Variants in RMDN2 observed in about 807,000 individuals in gnomAD.
The protein encoded by RMDN2 is regulator of microtubule dynamics protein 2.
RMDN2 carries 61 observed loss-of-function variants against 52.8 expected under a neutral mutation model. The observed-to-expected ratio is 1.16, with a 90% CI of 0.94 to 1.43. RMDN2 has a LOEUF of 1.43. Among genes scored for constraint, RMDN2 ranks in the 40% most tolerant of loss-of-function variants. The probability of loss-of-function intolerance (pLI) is 0.00; values close to 1 mark genes in which losing one functional copy is unlikely to be tolerated. For missense variants in RMDN2, 592 were observed against 475.3 expected, an observed-to-expected ratio of 1.25 and a Z score of -2.28; for synonymous variants, 180 against 153.1, an observed-to-expected ratio of 1.18 and a Z score of -1.30.
chr2:37,997,624 C>A, intron 8 of RMDN2, 110 bp downstream of exon 8: 2 of 749,090 alleles, frequency 2.7e-6, no homozygotes, highest in South Asian at 1.6e-5. Context: ...CAGTTTGAAT[C>A]CTGGTTTTGG....
intron 10 of RMDN2, among the ~76,000 whole-genome samples, chr2:38,010,251 C>T (rs1288750388): frequency 6.6e-6 from 1 of 152,200 alleles, no homozygotes; most frequent in African/African-American, 2.4e-5. Context: ...CAGACAGGGA[C>T]ATTTAAGTCT....
chr2:38,025,590 A>G (rs572897319), intron 10 of RMDN2, among the ~76,000 whole-genome samples: 3 of 152,140 alleles, frequency 2.0e-5, no homozygotes, highest in African/African-American at 4.8e-5. Flanking sequence ...CATTGATCAC[A>G]ATGTTACCTG....
intron 10 of RMDN2, among the ~76,000 whole-genome samples, chr2:38,042,426 A>ACACACACACACAC (rs1681020796): frequency 9.7e-5 from 14 of 144,276 alleles, no homozygotes; most frequent in African/African-American, 3.2e-4. Context: ...CACACACACC[A>ACACACACACACAC]CACACACACA....
At chr2:38,055,822 G>A (rs1268922084) in intron 10 of RMDN2, among the ~76,000 whole-genome samples, 1 of 152,110 alleles carries the variant, frequency 6.6e-6, no homozygotes, top group Admixed American at 6.5e-5. Context: ...ACCAATTACT[G>A]CAAGGGGAAT....
intron 2 of RMDN2, among the ~76,000 whole-genome samples, chr2:37,955,552 ATGT>A (rs1045674148): frequency 6.6e-6 from 1 of 152,036 alleles, no homozygotes; most frequent in Non-Finnish European, 1.5e-5. Context: ...GAATTCCCAC[ATGT>A]TGTGGGAGGG....
rs990852661 is a variant in RMDN2 at position 37,929,368 on chromosome 2, C to T, written c.91C>T (p.Arg31Cys). ...SLLLLWYHKV[R>C]KPGIAMKLPE... ...GCTGCTCTTGTGGTACCACAAGGTC[C>T]GTAAACCAGGGATAGCAATGAAGTT... is the stretch of plus-strand genomic sequence containing the variant. Residue 31 changes from arginine to cysteine, a missense_variant, in exon 2 of 11, where the codon CGT becomes TGT. Physicochemically the swap from Arg to Cys is radical, Grantham distance 180 (BLOSUM62 -3). Coordinates refer to ENST00000354545, the MANE Select transcript of RMDN2 (RefSeq NM_001170791.3). 16 of 1,550,926 alleles carry T rather than the reference C, an allele frequency of 1.0e-5. No homozygotes were observed. The highest frequency in any genetic ancestry group is 1.2e-5 in the Non-Finnish European group (14 of 1,146,234).
intron 7 of RMDN2, 107 bp from the exon 8 acceptor site, chr2:37,997,309 C>G (rs957181611): frequency 2.9e-6 from 2 of 689,914 alleles, no homozygotes; most frequent in African/African-American, 3.7e-5. Context: ...TATATCTATA[C>G]ACACACACAC....
At chr2:37,936,688 C>G (rs1255787288) in intron 2 of RMDN2, among the ~76,000 whole-genome samples, 2 of 152,152 alleles carry the variant, frequency 1.3e-5, no homozygotes, top group African/African-American at 4.8e-5. Flanking sequence ...ACATAAATGT[C>G]TTCTTTTGAA....
At chr2:38,006,102 G>T (rs1225763332) in intron 10 of RMDN2, among the ~76,000 whole-genome samples, 1 of 152,208 alleles carries the variant, frequency 6.6e-6, no homozygotes, top group African/African-American at 2.4e-5. Flanking sequence ...TTTGGTGACT[G>T]TAGCCTTGTA....
At chr2:37,980,500 C>T (rs778971218) in intron 4 of RMDN2, among the ~76,000 whole-genome samples, 12 of 152,060 alleles carry the variant, frequency 7.9e-5, no homozygotes, top group Non-Finnish European at 1.5e-4. Context: ...GACAGGGTTT[C>T]GCCATGTTGG....
At chr2:37,931,742 C>T (rs1044602721) in intron 2 of RMDN2, among the ~76,000 whole-genome samples, 1 of 152,150 alleles carries the variant, frequency 6.6e-6, no homozygotes, top group African/African-American at 2.4e-5. Flanking sequence ...TATGTGGGTT[C>T]AAGAAGGATT....
At chr2:37,970,583 C>T (rs573194156) in intron 2 of RMDN2, among the ~76,000 whole-genome samples, 1 of 152,008 alleles carries the variant, frequency 6.6e-6, no homozygotes, top group South Asian at 2.1e-4. Flanking sequence ...TTTAGTAATT[C>T]TTTAGAAGAA....
At chr2:37,940,052 C>T (rs952515967) in intron 2 of RMDN2, among the ~76,000 whole-genome samples, 17 of 152,280 alleles carry the variant, frequency 1.1e-4, no homozygotes, top group Admixed American at 9.2e-4. Flanking sequence ...GTGCTTCCTT[C>T]AGGAGCTCTT....
intron 2 of RMDN2, chr2:37,951,439 G>C (rs532901254): frequency 6.2e-7 from 1 of 1,612,744 alleles, no homozygotes; most frequent in Non-Finnish European, 8.5e-7. Flanking sequence ...TTCTCTGAAA[G>C]AAGATATTCT....
chr2:38,061,566 CT>C (rs1682051582), intron 10 of RMDN2, among the ~76,000 whole-genome samples: 1 of 151,790 alleles, frequency 6.6e-6, no homozygotes, highest in African/African-American at 2.4e-5. Context: ...ATGCCCACCC[CT>C]TGGTGTTGCC....
At chr2:37,973,795 G>A (rs1012333132) in intron 2 of RMDN2, among the ~76,000 whole-genome samples, 2 of 152,106 alleles carry the variant, frequency 1.3e-5, no homozygotes, top group African/African-American at 4.8e-5. Flanking sequence ...GCAGCTAGGT[G>A]ACCTGTGTGT....
At chr2:37,945,534 A>G (rs1002596790) in intron 2 of RMDN2, among the ~76,000 whole-genome samples, 1 of 152,226 alleles carries the variant, frequency 6.6e-6, no homozygotes, top group Admixed American at 6.5e-5. Flanking sequence ...CAAGAGTAAT[A>G]CTTAGATTTC....
chr2:38,006,881 C>T (rs1677172825), intron 10 of RMDN2, among the ~76,000 whole-genome samples: 1 of 152,184 alleles, frequency 6.6e-6, no homozygotes, highest in African/African-American at 2.4e-5. Flanking sequence ...TACGTCCCAT[C>T]AATACCTAAT....
chr2:37,939,266 T>A (rs961808800), intron 2 of RMDN2, among the ~76,000 whole-genome samples: 1 of 151,830 alleles, frequency 6.6e-6, no homozygotes, highest in Admixed American at 6.6e-5. Flanking sequence ...GAGACTGTTA[T>A]GATTTCCATT....
Sources: gnomAD v4.1 joint callset for allele counts (sites outside exome capture counted in the v4.1 genomes callset) on GRCh38, gnomAD v4.1.1 for gene constraint, MANE v1.5 for transcripts, NCBI Gene and HGNC (gene_info 2026-07-23, HGNC 2026-07-21) for gene names.